LRRC8A: variants seen among roughly 807,000 people sequenced by gnomAD.
The protein encoded by LRRC8A is leucine rich repeat containing 8 VRAC subunit A.
A neutral mutation model predicts 52.5 loss-of-function variants in LRRC8A; 24 were observed. The observed-to-expected ratio is 0.46, with a 90% confidence interval of 0.33 to 0.64. The LOEUF (loss-of-function observed/expected upper bound fraction) is 0.64, where lower values mean the gene tolerates loss of function less well. LRRC8A is among the 30% of genes least tolerant of loss of function. LRRC8A has a pLI of 0.02. For missense variants in LRRC8A, 677 were observed against 1,094.7 expected (o/e 0.62, Z 5.38); for synonymous variants, 492 against 494.2 (o/e 1.00, Z 0.06).
intron 1 of LRRC8A, chr9:128,885,158 G>A (rs1839341560): frequency 6.6e-6 from 1 of 152,430 alleles, no homozygotes; most frequent in African/African-American, 2.4e-5. Flanking sequence ...CCCATGCACA[G>A]TTCTGCACAG....
intron 2 of LRRC8A, among the ~76,000 whole-genome samples, chr9:128,888,637 G>A (rs1308314326): frequency 1.3e-5 from 2 of 152,162 alleles, no homozygotes; most frequent in African/African-American, 4.8e-5. Flanking sequence ...CTCAGGAAGG[G>A]TTTGGGCAAG....
intron 2 of LRRC8A, among the ~76,000 whole-genome samples, chr9:128,888,249 G>A (rs554394208): frequency 1.3e-5 from 2 of 152,320 alleles, no homozygotes; most frequent in Admixed American, 1.3e-4. Flanking sequence ...GCAGCGCTGA[G>A]CAGGAAGCAG....
In LRRC8A at chr9:128,916,617, C is replaced by T. The variant is rs896847745; in HGVS notation, c.*246C>T. ...TGTGGAGGAGAGCAAGTCTCAAGAG[C>T]GCAGTATTTGGATAATCAGGGTCTC... On this transcript the variant is annotated 3_prime_UTR_variant, in exon 4 of 4. Coordinates refer to ENST00000372600, the MANE Select transcript of LRRC8A (RefSeq NM_019594.4). The surrounding 1 kb of genome is among the most constrained non-coding windows in gnomAD (Gnocchi z 6.1). The T allele has an allele frequency of 2.2e-5, 12 of 533,960 alleles. No homozygotes were observed. Among genetic ancestry groups the T allele is most frequent in the Non-Finnish European group, 3.6e-5 (11 of 301,508 alleles). The allele number at this position is 533,960 out of a possible 1,614,324, so 33.1% of individuals were successfully genotyped here.
intron 2 of LRRC8A, among the ~76,000 whole-genome samples, chr9:128,888,819 G>A (rs558023184): frequency 6.6e-6 from 1 of 152,120 alleles, no homozygotes; most frequent in East Asian, 1.9e-4. Flanking sequence ...TTCCCCAGGA[G>A]TCTCTTTTCT....
At chr9:128,901,547 G>A (rs979377836) in intron 2 of LRRC8A, among the ~76,000 whole-genome samples, 1 of 152,086 alleles carries the variant, frequency 6.6e-6, no homozygotes, top group African/African-American at 2.4e-5. Flanking sequence ...GATTGCTTGA[G>A]GCCAGGAGTT....
In LRRC8A at chr9:128,897,960, C is replaced by CA. The variant is rs200799230; in HGVS notation, c.-8-9180dup. The stretch of plus-strand genomic sequence containing the variant: ...TGGATGACAGAGTGAGACTCTGTCT[C>CA]AAAAAAAAAAAAAAAAAGATAAGTT... On this transcript the variant is annotated intron_variant, in intron 2 of 3. Transcript: ENST00000372600. Among the ~76,000 whole-genome samples the CA allele has an allele frequency of 2.3e-3, 128 of 56,704 alleles. 1 individual carries two copies. The highest frequency in any genetic ancestry group is 3.9e-3 in the African/African-American group (62 of 15,850). The allele number at this position is 56,704 out of a possible 152,430, so 37.2% of individuals were successfully genotyped here. A position where few individuals can be genotyped will look rare whatever the true frequency, so the allele number is the denominator to read the frequency against.
In LRRC8A at chr9:128,908,520, G is replaced by C; in HGVS notation, c.1356G>C (p.Lys452Asn). ...ACCTGGTGGAGCTGGAGGTCCTCAA[G>C]CTGGAGCTGATCCCCGACGTGACCA... ...VFDLVELEVL[K>N]LELIPDVTIP... Residue 452 changes from lysine (K) to asparagine (N), a missense_variant, in exon 3 of 4, where the codon AAG (lysine) becomes AAC (asparagine). Lys to Asn is a moderately conservative substitution (Grantham distance 94). Coordinates refer to ENST00000372600, the MANE Select transcript of LRRC8A (RefSeq NM_019594.4). The C allele has an allele frequency of 6.2e-7, 1 of 1,612,942 alleles. No homozygotes were observed. Among genetic ancestry groups the C allele is most frequent in the Non-Finnish European group, 8.5e-7 (1 of 1,179,992 alleles).
In LRRC8A at chr9:128,892,631, GC is replaced by G. The variant is rs543164579; in HGVS notation, c.-9+6513del. On this transcript the variant is annotated intron_variant, in intron 2 of 3. Coordinates refer to ENST00000372600, the MANE Select transcript of LRRC8A (RefSeq NM_019594.4). This position sits in a 1 kb window ranked among gnomAD's most constrained non-coding sequence, Gnocchi z 5.2. ...TGTGGGGGCCTCCAGGGCAGTGTCCGCCCTGGGGAGGGTGGAGGCTGTGTGT... is the reference window on the plus strand; with the variant it reads ...TGTGGGGGCCTCCAGGGCAGTGTCCGCCTGGGGAGGGTGGAGGCTGTGTGT... Among the ~76,000 whole-genome samples the G allele has an allele frequency of 4.6e-5, 7 of 152,272 alleles. No individual in the cohort carries two copies. The South Asian group carries it at 1.4e-3, about 32-fold the overall frequency.
In LRRC8A at chr9:128,905,876, C is replaced by T. The variant is rs577844453; in HGVS notation, c.-8-1281C>T. On this transcript the variant is annotated intron_variant, in intron 2 of 3. Coordinates refer to ENST00000372600, the MANE Select transcript of LRRC8A (RefSeq NM_019594.4). ...AAGAAAAATCAGATTTCCAGCTTCT[C>T]GCCATAGTAGTCAAACTAGACTCTC... is the stretch of plus-strand genomic sequence containing the variant. Among the ~76,000 whole-genome samples, 8 of 152,212 alleles carry T rather than the reference C, an allele frequency of 5.3e-5. No individual in the cohort carries two copies. The South Asian group carries it at 1.0e-3, about 20-fold the overall frequency.
At chr9:128,909,526 C>T (rs565825537) in intron 3 of LRRC8A, among the ~76,000 whole-genome samples, 33 of 152,350 alleles carry the variant, frequency 2.2e-4, no homozygotes, top group African/African-American at 7.0e-4. Context: ...CTGCTGAATC[C>T]GAATCTCTGG....
rs531699516 is a variant in LRRC8A at position 128,906,988 on chromosome 9, G to A, written c.-8-169G>A. ...AAGTGGCCACATGCTTTCTGCAGAA[G>A]GGCTGATAAGTGGGCTGCCCCGTGG... On this transcript the variant is annotated intron_variant, in intron 2 of 3. Coordinates refer to ENST00000372600, the MANE Select transcript of LRRC8A (RefSeq NM_019594.4). Among the ~76,000 whole-genome samples, 5 of 152,368 alleles carry A rather than the reference G, an allele frequency of 3.3e-5. No homozygotes were observed. The East Asian group carries it at 9.6e-4, about 29-fold the overall frequency.
intron 1 of LRRC8A, chr9:128,885,350 C>G (rs1446682684): frequency 6.6e-6 from 1 of 152,218 alleles, no homozygotes; most frequent in Non-Finnish European, 1.5e-5. Context: ...ATGCCGAGCC[C>G]GCAAGCCTTC....
chr9:128,898,019 C>G (rs1006080765), intron 2 of LRRC8A, among the ~76,000 whole-genome samples: 3 of 142,368 alleles, frequency 2.1e-5, no homozygotes, highest in African/African-American at 7.9e-5. Context: ...AGCAGTCTAA[C>G]CTCACTTCTA....
rs1415414478 is a variant in LRRC8A, at chr9:128,892,397, G to A, written c.-9+6276G>A. 6.6e-6 allele frequency among the ~76,000 whole-genome samples: 1 copy of A among 152,204 alleles called. No homozygotes were observed. Among genetic ancestry groups the A allele is most frequent in the African/African-American group, 2.4e-5 (1 of 41,438 alleles). On this transcript the variant is annotated intron_variant, in intron 2 of 3. Transcript: ENST00000372600. This position sits in a 1 kb window ranked among gnomAD's most constrained non-coding sequence, Gnocchi z 5.2. The stretch of plus-strand genomic sequence containing the variant: ...CCTTTCACCCTAGAAGGCGGGCCAC[G>A]CCCTTGCAAGTTGGTGTGAGGATGA...
At chr9:128,882,703 A>AC (rs1448209656) in intron 1 of LRRC8A, 1 of 398,036 alleles carries the variant, frequency 2.5e-6, no homozygotes, top group East Asian at 3.6e-5. Flanking sequence ...CTTCCCTTGC[A>AC]CCCCTCCTTC....
intron 3 of LRRC8A, among the ~76,000 whole-genome samples, chr9:128,914,838 G>A (rs963998300): frequency 2.0e-5 from 3 of 152,346 alleles, no homozygotes; most frequent in Admixed American, 6.5e-5. Flanking sequence ...GCAGGGCAGG[G>A]AAGAAGCTGG....
intron 2 of LRRC8A, among the ~76,000 whole-genome samples, chr9:128,904,749 C>T (rs751679291): frequency 1.1e-4 from 17 of 152,004 alleles, no homozygotes; most frequent in Non-Finnish European, 2.2e-4. Flanking sequence ...AATCCCAGTA[C>T]TTTGGGAGGC....
chr9:128,907,015 G>A lies in LRRC8A; in HGVS notation c.-8-142G>A. ...GCTGATAAGTGGGCTGCCCCGTGGA[G>A]TAGGCAGGCTTTGGCTCCCAGCTAG... is the stretch of plus-strand genomic sequence containing the variant. On this transcript the variant is annotated intron_variant, in intron 2 of 3. Coordinates refer to ENST00000372600, the MANE Select transcript of LRRC8A (RefSeq NM_019594.4). This position sits in a 1 kb window ranked among gnomAD's most constrained non-coding sequence, Gnocchi z 9.3. 1 of 761,294 alleles carries A rather than the reference G, an allele frequency of 1.3e-6. No individual in the cohort carries two copies. Among genetic ancestry groups the A allele is most frequent in the South Asian group, 1.7e-5 (1 of 57,768 alleles). 47.2% of individuals were successfully genotyped at this position (761,294 alleles called of 1,614,324 possible). A position where few individuals can be genotyped will look rare whatever the true frequency, so the allele number is the denominator to read the frequency against.
At chr9:128,904,722 T>C (rs1037788081) in intron 2 of LRRC8A, among the ~76,000 whole-genome samples, 10 of 152,000 alleles carry the variant, frequency 6.6e-5, no homozygotes, top group Admixed American at 4.6e-4. Context: ...GGGCCAGGTA[T>C]GGTGGTTCAC....
Sources: allele counts gnomAD v4.1 joint callset (sites outside exome capture counted in the v4.1 genomes callset), GRCh38; gene constraint gnomAD v4.1.1; non-coding constraint Gnocchi (gnomAD v3.1); transcripts MANE v1.5; gene names NCBI Gene and HGNC (gene_info 2026-07-23, HGNC 2026-07-21).